The following USP25 variants were observed in gnomAD, a reference collection of about 807,000 sequenced individuals.
The protein encoded by USP25 is ubiquitin specific peptidase 25, also known as ubiquitin carboxyl-terminal hydrolase 25.
A neutral mutation model predicts 158.5 loss-of-function variants in USP25; 85 were observed. The observed-to-expected ratio is 0.54, with a 90% CI of 0.45 to 0.64. The LOEUF (loss-of-function observed/expected upper bound fraction) is 0.64. Among genes scored for constraint, USP25 ranks in the 30% least tolerant of loss-of-function variants. USP25 has a pLI of 0.00. For synonymous variants in USP25, 464 were observed against 460.4 expected, an observed-to-expected ratio of 1.01 and a Z score of -0.10; for missense variants, 1,242 against 1,327.3, an observed-to-expected ratio of 0.94 and a Z score of 1.00.
At position 15,877,793 on chromosome 21, in the gene USP25, A is replaced by G. The variant is rs1264493963; in HGVS notation, c.3010-3A>G. The G allele has an allele frequency of 1.9e-6, 3 of 1,590,582 alleles. No homozygotes were observed. The highest frequency in any genetic ancestry group is 1.8e-4 in the Middle Eastern group (1 of 5,682). On this transcript the variant is annotated splice_polypyrimidine_tract_variant and splice_region_variant and intron_variant, in intron 24 of 25. Coordinates refer to ENST00000400183, the MANE Select transcript of USP25 (RefSeq NM_001283041.3). ...TCTTTTTTTTTTCCTGCATTGCATT[A>G]AGAAATTAAATGAGCAAGCCGCAGA...
intron 18 of USP25, among the ~76,000 whole-genome samples, chr21:15,845,689 A>T (rs1379072402): frequency 6.6e-6 from 1 of 152,138 alleles, no homozygotes; most frequent in Non-Finnish European, 1.5e-5. Flanking sequence ...TTTTCCTAAG[A>T]TAGAATTGTT....
intron 1 of USP25, among the ~76,000 whole-genome samples, chr21:15,741,768 A>G (rs771790495): frequency 6.6e-6 from 1 of 152,230 alleles, no homozygotes; most frequent in Non-Finnish European, 1.5e-5. Flanking sequence ...AGAACACTCC[A>G]GGACCAAGTG....
intron 19 of USP25, among the ~76,000 whole-genome samples, chr21:15,848,200 G>T (rs1020916043): frequency 6.6e-6 from 1 of 152,134 alleles, no homozygotes; most frequent in African/African-American, 2.4e-5. Flanking sequence ...ATTGCAGGAT[G>T]GATAATTGAT....
At position 15,818,943 on chromosome 21, in the gene USP25, T is replaced by C. The variant is rs139863356; in HGVS notation, c.1080+97T>C. On this transcript the variant is annotated intron_variant, in intron 10 of 25. Coordinates refer to ENST00000400183, the MANE Select transcript of USP25 (RefSeq NM_001283041.3). ...TTCTAATTATAGAGCTACCTAATAA[T>C]TGAGAGAGAATACTCAGAGAGTATG... 682 of 1,366,404 alleles carry C rather than the reference T, an allele frequency of 5.0e-4. No homozygotes were observed. The African/African-American group carries it at 8.5e-3, about 17-fold the overall frequency. The allele number at this position is 1,366,404 out of a possible 1,614,324, so 84.6% of individuals were successfully genotyped here. A position where few individuals can be genotyped will look rare whatever the true frequency, so the allele number is the denominator to read the frequency against.
chr21:15,862,474 T>G (rs547013357), intron 20 of USP25, among the ~76,000 whole-genome samples: 28 of 152,150 alleles, frequency 1.8e-4, no homozygotes, highest in African/African-American at 6.7e-4. Context: ...TATCGAAGGT[T>G]CATATCAACA....
intron 17 of USP25, among the ~76,000 whole-genome samples, chr21:15,839,456 C>G (rs1165152918): frequency 2.6e-5 from 4 of 152,088 alleles, no homozygotes; most frequent in African/African-American, 9.7e-5. Context: ...CGTGAGCCTT[C>G]CATACAGAAC....
intron 4 of USP25, among the ~76,000 whole-genome samples, chr21:15,782,314 C>T (rs1048997302): frequency 2.0e-5 from 3 of 152,224 alleles, no homozygotes; most frequent in Non-Finnish European, 4.4e-5. Context: ...GCCTGTACCA[C>T]TGGAGGATTG....
At chr21:15,823,633 C>T (rs928651203) in intron 10 of USP25, among the ~76,000 whole-genome samples, 4 of 152,024 alleles carry the variant, frequency 2.6e-5, no homozygotes, top group African/African-American at 9.7e-5. Flanking sequence ...TACTCCCTCT[C>T]ATAAGTTATT....
chr21:15,774,343 C>T (rs1171266078), intron 3 of USP25, among the ~76,000 whole-genome samples: 3 of 152,118 alleles, frequency 2.0e-5, no homozygotes, highest in Non-Finnish European at 4.4e-5. Flanking sequence ...TTAATATCAC[C>T]ACTCATATAC....
chr21:15,770,236 A>G (rs2034276949), intron 3 of USP25, among the ~76,000 whole-genome samples: 1 of 152,118 alleles, frequency 6.6e-6, no homozygotes, highest in Non-Finnish European at 1.5e-5. Context: ...AGAAATTTCT[A>G]ATATGTAAAA....
chr21:15,826,495 C>T lies in USP25; in HGVS notation c.1466+130C>T, dbSNP rs1842098493. 5.7e-6 allele frequency: 6 copies of T among 1,051,998 alleles called. No individual in the cohort carries two copies. Among genetic ancestry groups the T allele is most frequent in the Non-Finnish European group, 8.2e-6 (6 of 732,090 alleles). 65.2% of individuals were successfully genotyped at this position (1,051,998 alleles called of 1,614,324 possible). On this transcript the variant is annotated intron_variant, in intron 13 of 25. Coordinates refer to ENST00000400183, the MANE Select transcript of USP25 (RefSeq NM_001283041.3). This position sits in a 1 kb window ranked among gnomAD's most constrained non-coding sequence, Gnocchi z 4.8. ...TTCAGTGAACTCCTAAGAGTAGATT[C>T]ACTTAGAAGACTGTATGTCCTCTGG...
intron 6 of USP25, among the ~76,000 whole-genome samples, chr21:15,804,003 A>C (rs1307125620): frequency 6.6e-6 from 1 of 152,040 alleles, no homozygotes; most frequent in African/African-American, 2.4e-5. Context: ...TTTCATGTTT[A>C]ATATCTAAAT....
chr21:15,860,019 C>T (rs1417406850), intron 20 of USP25, among the ~76,000 whole-genome samples: 9 of 137,918 alleles, frequency 6.5e-5, no homozygotes, highest in Non-Finnish European at 1.2e-4. Context: ...GATGGCGTCT[C>T]GCTCTGTCGC....
At chr21:15,793,736 A>G (rs1487854517) in intron 5 of USP25, among the ~76,000 whole-genome samples, 3 of 151,640 alleles carry the variant, frequency 2.0e-5, no homozygotes, top group African/African-American at 4.8e-5. Context: ...ACTAAGCATC[A>G]GATTGTGGAA....
At position 15,816,271 on chromosome 21, in the gene USP25, G is replaced by A. The variant is rs906217590; in HGVS notation, c.932-2427G>A. Among the ~76,000 whole-genome samples, 5 of 151,986 alleles carry A rather than the reference G, an allele frequency of 3.3e-5. No homozygotes were observed. The highest frequency in any genetic ancestry group is 1.9e-4 in the East Asian group (1 of 5,188). On this transcript the variant is annotated intron_variant, in intron 9 of 25. Coordinates refer to ENST00000400183, the MANE Select transcript of USP25 (RefSeq NM_001283041.3). The surrounding 1 kb of genome is among the most constrained non-coding windows in gnomAD (Gnocchi z 4.0). ...ATGTAAGAAGTGCCTTTTGCCTCCC[G>A]CCACGATTCTGAGGGCTTCCCAGCC...
intron 19 of USP25, 37 bp downstream of exon 19, chr21:15,847,813 C>T (rs1405747141): frequency 7.2e-7 from 1 of 1,396,684 alleles, no homozygotes; most frequent in Admixed American, 2.0e-5. Flanking sequence ...TGCTACTTAA[C>T]TTTTGCTATT....
intron 3 of USP25, among the ~76,000 whole-genome samples, chr21:15,768,328 A>G (rs552632090): frequency 6.6e-6 from 1 of 152,268 alleles, no homozygotes; most frequent in East Asian, 1.9e-4. Flanking sequence ...TAATGTGGCA[A>G]TTGTACTATG....
In USP25 at chr21:15,803,788, C is replaced by T. The variant is rs181655914; in HGVS notation, c.643-1333C>T. ...GCTCATAGTCTTTATACTTTTAAAACCTATGTCTGAGGGCATATTTGGAAC... is the reference window on the plus strand; with the variant it reads ...GCTCATAGTCTTTATACTTTTAAAATCTATGTCTGAGGGCATATTTGGAAC... On this transcript the variant is annotated intron_variant, in intron 6 of 25. Coordinates refer to ENST00000400183, the MANE Select transcript of USP25 (RefSeq NM_001283041.3). Among the ~76,000 whole-genome samples the T allele has an allele frequency of 1.2e-4, 18 of 151,946 alleles. No individual in the cohort carries two copies. The East Asian group carries it at 3.5e-3, about 29-fold the overall frequency.
intron 1 of USP25, chr21:15,743,934 T>G (rs1485840497): frequency 6.4e-6 from 1 of 155,586 alleles, no homozygotes; most frequent in Non-Finnish European, 1.5e-5. Context: ...TCATGCAGAT[T>G]TGCAGAACTG....
Sources: allele counts gnomAD v4.1 joint callset (sites outside exome capture counted in the v4.1 genomes callset), GRCh38; gene constraint gnomAD v4.1.1; non-coding constraint Gnocchi (gnomAD v3.1); transcripts MANE v1.5; gene names NCBI Gene and HGNC (gene_info 2026-07-23, HGNC 2026-07-21).